KLHL6: variants seen among roughly 807,000 people sequenced by gnomAD.
KLHL6 encodes kelch like family member 6.
Under a neutral mutation model 58.6 loss-of-function variants are expected in KLHL6, and 41 were observed. That is an observed-to-expected ratio of 0.70 (90% CI 0.55 to 0.91). The LOEUF (loss-of-function observed/expected upper bound fraction) is 0.91, where lower values mean the gene tolerates loss of function less well. Ranked by LOEUF, KLHL6 falls within the 40% of genes least tolerant of loss-of-function variation. The probability of loss-of-function intolerance (pLI) is 0.00; values close to 1 mark genes in which losing one functional copy is unlikely to be tolerated. For synonymous variants in KLHL6, 338 were observed against 322.7 expected (o/e 1.05, Z -0.51); for missense variants, 714 against 805.6 (o/e 0.89, Z 1.38).
chr3:183,513,032 G>T (rs908689114), intron 2 of KLHL6, among the ~76,000 whole-genome samples: 1 of 152,056 alleles, frequency 6.6e-6, no homozygotes, highest in Non-Finnish European at 1.5e-5. Flanking sequence ...TGTTAGCAGT[G>T]GTTATAGATA....
intron 3 of KLHL6, among the ~76,000 whole-genome samples, chr3:183,507,184 A>G (rs546970100): frequency 2.0e-5 from 3 of 152,088 alleles, no homozygotes; most frequent in Non-Finnish European, 4.4e-5. Context: ...GCCCAGGAGC[A>G]AGATGATCAG....
intron 3 of KLHL6, among the ~76,000 whole-genome samples, chr3:183,501,084 G>A (rs1411781820): frequency 2.0e-5 from 3 of 152,216 alleles, no homozygotes; most frequent in African/African-American, 7.2e-5. Flanking sequence ...TAAAGTTTGT[G>A]GCAGGGCTGT....
intron 1 of KLHL6, among the ~76,000 whole-genome samples, chr3:183,538,453 G>A (rs535078545): frequency 1.6e-4 from 24 of 152,214 alleles, no homozygotes; most frequent in Admixed American, 1.5e-3. Context: ...TACCAGGAAC[G>A]AACTCCCCTG....
At chr3:183,497,735 T>C (rs985477572) in intron 4 of KLHL6, among the ~76,000 whole-genome samples, 3 of 152,184 alleles carry the variant, frequency 2.0e-5, no homozygotes, top group African/African-American at 7.2e-5. Flanking sequence ...GGCCCCTGAG[T>C]GCCTGAGTGG....
intron 1 of KLHL6, among the ~76,000 whole-genome samples, chr3:183,552,739 AAAAG>A (rs1712975630): frequency 6.6e-6 from 1 of 151,412 alleles, no homozygotes; most frequent in Non-Finnish European, 1.5e-5. Context: ...AAAAAAAAAA[AAAAG>A]AAAGCCTCTC....
chr3:183,540,639 A>G (rs1408413415), intron 1 of KLHL6, among the ~76,000 whole-genome samples: 3 of 152,088 alleles, frequency 2.0e-5, no homozygotes, highest in Non-Finnish European at 2.9e-5. Flanking sequence ...CCTGGCCTCA[A>G]GCAATCCTCC....
intron 2 of KLHL6, among the ~76,000 whole-genome samples, chr3:183,512,058 T>G (rs897480719): frequency 6.6e-6 from 1 of 152,192 alleles, no homozygotes; most frequent in African/African-American, 2.4e-5. Flanking sequence ...AACACCTGTT[T>G]AGTCGTTGGC....
intron 5 of KLHL6, chr3:183,493,801 A>G: frequency 2.3e-6 from 1 of 444,084 alleles, no homozygotes; most frequent in South Asian, 2.6e-5. Context: ...CCATCTAAGG[A>G]CAGGGTGAGC....
chr3:183,495,961 G>T (rs1046436532), intron 4 of KLHL6, among the ~76,000 whole-genome samples: 2 of 152,100 alleles, frequency 1.3e-5, no homozygotes, highest in Non-Finnish European at 2.9e-5. Context: ...TAAAGATTAA[G>T]TTAGATACTT....
At chr3:183,526,079 G>A (rs1259185350) in intron 2 of KLHL6, among the ~76,000 whole-genome samples, 5 of 152,046 alleles carry the variant, frequency 3.3e-5, no homozygotes, top group East Asian at 1.9e-4. Flanking sequence ...AGGCCGAGGC[G>A]GGCGGATCAC....
chr3:183,544,033 C>T (rs1712636749), intron 1 of KLHL6, among the ~76,000 whole-genome samples: 1 of 152,068 alleles, frequency 6.6e-6, no homozygotes, highest in African/African-American at 2.4e-5. Context: ...CATAGTGGCA[C>T]ACGCCTGTAG....
At position 183,555,489 on chromosome 3, in the gene KLHL6, G is replaced by T. The variant is rs776376674; in HGVS notation, c.165C>A (p.Ser55=). 7.1e-5 allele frequency: 114 copies of T among 1,614,046 alleles called. No homozygotes were observed. The highest frequency in any genetic ancestry group is 9.7e-5 in the Non-Finnish European group (114 of 1,180,030). The change falls in exon 1 of 7, where the codon TCC becomes TCA. Residue 55 remains serine (S), a synonymous_variant. Coordinates refer to ENST00000341319, the MANE Select transcript of KLHL6 (RefSeq NM_130446.4). ...EKVKFDDAGL[S]LILQNGLETL... ...TTTCCAGGCCATTCTGAAGAATTAA[G>T]GAGAGTCCCGCGTCGTCAAATTTGA...
At chr3:183,545,808 T>G (rs1712699964) in intron 1 of KLHL6, among the ~76,000 whole-genome samples, 1 of 152,244 alleles carries the variant, frequency 6.6e-6, no homozygotes, top group Admixed American at 6.5e-5. Flanking sequence ...TTTTGGATTT[T>G]GGAACTGTTC....
rs537827129 is a variant in KLHL6, at chr3:183,499,518, T to C, written c.1147+72A>G. ...TTCACAGTAATTCTTCTAGGATGGT[T>C]GCCTGGCTGCCACTCAGGAATATAT... On this transcript the variant is annotated intron_variant, in intron 4 of 6. Transcript: ENST00000341319. This position sits in a 1 kb window ranked among gnomAD's most constrained non-coding sequence, Gnocchi z 4.6. 1 of 1,001,084 alleles carries C rather than the reference T, an allele frequency of 1.0e-6. No homozygotes were observed. The highest frequency in any genetic ancestry group is 1.5e-6 in the Non-Finnish European group (1 of 668,338). 62.0% of individuals were successfully genotyped at this position (1,001,084 alleles called of 1,614,324 possible).
chr3:183,508,651 A>G, intron 2 of KLHL6, 143 bp from the exon 3 acceptor site: 2 of 658,484 alleles, frequency 3.0e-6, no homozygotes, highest in Non-Finnish European at 5.1e-6. Context: ...CATATAATTC[A>G]TTCATACAGT....
In KLHL6 at chr3:183,499,704, G is replaced by A. The variant is rs1007736841; in HGVS notation, c.1033C>T (p.Arg345Cys). The change falls in exon 4 of 7, where the codon CGC (arginine) becomes TGC (cysteine). Residue 345 changes from arginine to cysteine, a missense_variant. This residue lies in a region of KLHL6 where 510 missense variants were observed against 629.7 expected (regional missense o/e 0.81). Transcript: ENST00000341319. The surrounding 1 kb of genome is among the most constrained non-coding windows in gnomAD (Gnocchi z 4.6). ...AGCTTGGCCACCTCCAGGCGGCTGC[G>A]CCTCAGGGGGTCCAGGCAGGTCACC... ...AEVTCLDPLRRSRLEVAKLPL... is the reference protein window; with the variant it reads ...AEVTCLDPLRCSRLEVAKLPL... 21 of 1,610,634 alleles carry A rather than the reference G, an allele frequency of 1.3e-5. No individual in the cohort carries two copies. The highest frequency in any genetic ancestry group is 2.2e-5 in the East Asian group (1 of 44,824).
At chr3:183,522,485 C>T (rs1711801204) in intron 2 of KLHL6, 1 of 152,190 alleles carries the variant, frequency 6.6e-6, no homozygotes, top group Non-Finnish European at 1.5e-5. Context: ...AGTCAACAGG[C>T]TGATTTTATG....
Position 183,527,891 on chromosome 3 carries a change from G to C in KLHL6, c.413C>G (p.Thr138Ser). The change falls in exon 2 of 7, where the codon ACC becomes AGC. Residue 138 changes from threonine to serine, a missense_variant. Physicochemically the swap from Thr to Ser is moderately conservative, Grantham distance 58. This residue lies in a region of KLHL6 where 204 missense variants were observed against 175.9 expected (regional missense o/e 1.16). Transcript: ENST00000341319. ...CAGGACCCGCTGGACATTCTGCTTGGTGATCAGCGCCTTGCTGGTGTACGT... is the reference window on the plus strand; with the variant it reads ...CAGGACCCGCTGGACATTCTGCTTGCTGATCAGCGCCTTGCTGGTGTACGT... ...DYTYTSKALI[T>S]KQNVQRVLEA... 6.2e-7 allele frequency: 1 copy of C among 1,614,078 alleles called. No homozygotes were observed. The highest frequency in any genetic ancestry group is 8.5e-7 in the Non-Finnish European group (1 of 1,179,996).
intron 4 of KLHL6, among the ~76,000 whole-genome samples, chr3:183,498,833 A>G (rs752468504): frequency 3.9e-5 from 6 of 152,346 alleles, no homozygotes; most frequent in African/African-American, 4.8e-5. Context: ...ACACTTTCGT[A>G]ATGAAAAAGT....
Sources: allele counts gnomAD v4.1 joint callset (sites outside exome capture counted in the v4.1 genomes callset), GRCh38; gene constraint gnomAD v4.1.1; regional missense constraint gnomAD v4.1.1; non-coding constraint Gnocchi (gnomAD v3.1); transcripts MANE v1.5; gene names NCBI Gene and HGNC (gene_info 2026-07-23, HGNC 2026-07-21).